XKR6: variants seen among roughly 807,000 people sequenced by gnomAD.
XKR6 encodes XK related 6.
XKR6 carries 22 observed loss-of-function variants against 56.7 expected under a neutral mutation model. The observed-to-expected ratio is 0.39, with a 90% CI of 0.28 to 0.55. The LOEUF (loss-of-function observed/expected upper bound fraction) is 0.55. Among genes scored for constraint, XKR6 ranks in the 20% least tolerant of loss-of-function variants. The pLI is 0.66. For synonymous variants in XKR6, 524 were observed against 387.8 expected, an observed-to-expected ratio of 1.35 and a Z score of -4.13; for missense variants, 852 against 889.0, an observed-to-expected ratio of 0.96 and a Z score of 0.53.
chr8:10,955,267 G>T (rs1347622891), intron 1 of XKR6, among the ~76,000 whole-genome samples: 2 of 152,112 alleles, frequency 1.3e-5, no homozygotes, highest in African/African-American at 4.8e-5. Context: ...TGACCTCCCA[G>T]GCTCAAGAAA....
At chr8:11,077,752 A>G (rs1175514422) in intron 1 of XKR6, among the ~76,000 whole-genome samples, 26 of 152,118 alleles carry the variant, frequency 1.7e-4, no homozygotes, top group Non-Finnish European at 1.5e-5. Context: ...CAGCTGCAAG[A>G]ATGCATCTGG....
chr8:11,189,212 C>G (rs1306527969), intron 1 of XKR6, among the ~76,000 whole-genome samples: 1 of 152,166 alleles, frequency 6.6e-6, no homozygotes, highest in Non-Finnish European at 1.5e-5. Flanking sequence ...ATTTGAGACA[C>G]AAAATTCACT....
intron 1 of XKR6, among the ~76,000 whole-genome samples, chr8:10,967,908 C>A (rs1236498825): frequency 6.6e-6 from 1 of 152,184 alleles, no homozygotes; most frequent in African/African-American, 2.4e-5. Context: ...AGTTTCCAGG[C>A]TGCCTCGGCT....
At chr8:11,174,894 T>C (rs1802579774) in intron 1 of XKR6, among the ~76,000 whole-genome samples, 1 of 152,242 alleles carries the variant, frequency 6.6e-6, no homozygotes, top group Non-Finnish European at 1.5e-5. Context: ...AAGACAGTAT[T>C]TAACTAAAGT....
intron 1 of XKR6, among the ~76,000 whole-genome samples, chr8:11,173,412 T>C (rs541983906): frequency 6.7e-6 from 1 of 150,364 alleles, no homozygotes; most frequent in Non-Finnish European, 1.5e-5. Flanking sequence ...TATATATACA[T>C]ATACATATAT....
intron 1 of XKR6, among the ~76,000 whole-genome samples, chr8:11,009,538 A>G (rs892529997): frequency 4.6e-5 from 7 of 152,070 alleles, no homozygotes; most frequent in Non-Finnish European, 8.8e-5. Flanking sequence ...ACCAAAAAAT[A>G]GTTATAGGTT....
intron 1 of XKR6, among the ~76,000 whole-genome samples, chr8:11,068,231 C>T (rs921049789): frequency 3.3e-5 from 5 of 152,148 alleles, no homozygotes; most frequent in East Asian, 1.9e-4. Context: ...CTCAGACCGT[C>T]GGAGATAAGG....
chr8:11,033,309 GAT>G (rs1440621876), intron 1 of XKR6, among the ~76,000 whole-genome samples: 22 of 150,124 alleles, frequency 1.5e-4, no homozygotes, highest in African/African-American at 5.3e-4. Flanking sequence ...TGGTGGTGAT[GAT>G]GATGATGACG....
At chr8:11,062,832 C>G (rs7820875) in intron 1 of XKR6, 2 of 456,298 alleles carry the variant, frequency 4.4e-6, no homozygotes, top group Non-Finnish European at 8.8e-6. Flanking sequence ...TCAGCGTGGC[C>G]GTGCGCCTGA....
chr8:11,016,795 C>G (rs570701031), intron 1 of XKR6, among the ~76,000 whole-genome samples: 2 of 152,368 alleles, frequency 1.3e-5, no homozygotes, highest in Non-Finnish European at 2.9e-5. Flanking sequence ...TCCCCCACCA[C>G]TCTTCTCTCT....
At chr8:10,967,834 A>G (rs1802273008) in intron 1 of XKR6, among the ~76,000 whole-genome samples, 1 of 152,208 alleles carries the variant, frequency 6.6e-6, no homozygotes, top group Non-Finnish European at 1.5e-5. Flanking sequence ...TGGTGGGTGC[A>G]GGTGGGACAA....
chr8:11,086,133 A>AAAATATATATATATATAT (rs1554454121), intron 1 of XKR6, among the ~76,000 whole-genome samples: 1 of 90,068 alleles, frequency 1.1e-5, no homozygotes, highest in African/African-American at 5.7e-5. Context: ...TTAAAAAGAA[A>AAAATATATATATATATAT]ATATATATAT....
At chr8:10,963,675 G>C (rs1802131714) in intron 1 of XKR6, among the ~76,000 whole-genome samples, 1 of 152,024 alleles carries the variant, frequency 6.6e-6, no homozygotes, top group Non-Finnish European at 1.5e-5. Context: ...CCAACCTGTA[G>C]CTGGGACCAC....
At chr8:11,165,439 T>TTA (rs1333782094) in intron 1 of XKR6, among the ~76,000 whole-genome samples, 1 of 152,052 alleles carries the variant, frequency 6.6e-6, no homozygotes, top group African/African-American at 2.4e-5. Flanking sequence ...GTGTACTTCT[T>TTA]TAGTTTTAGG....
Position 10,897,817 on chromosome 8 carries a change from TGGTGTTGGTGTGGC to T in XKR6, c.*121_*134del. The T allele has an allele frequency of 6.5e-6, 7 of 1,082,834 alleles. No homozygotes were observed. The highest frequency in any genetic ancestry group is 1.6e-5 in the African/African-American group (1 of 63,588). The allele number at this position is 1,082,834 out of a possible 1,614,324, so 67.1% of individuals were successfully genotyped here. The stretch of plus-strand genomic sequence containing the variant: ...ATTAATTCTTTTTTTTTTGTAGTGG[TGGTGTTGGTGTGGC>T]GGTGTTGGTGGTGGTGGCGGTGGTT... On this transcript the variant is annotated 3_prime_UTR_variant, in exon 3 of 3. Coordinates refer to ENST00000416569, the MANE Select transcript of XKR6 (RefSeq NM_173683.4).
At chr8:10,926,445 G>T (rs1048841257) in intron 1 of XKR6, among the ~76,000 whole-genome samples, 89 of 152,380 alleles carry the variant, frequency 5.8e-4, no homozygotes, top group Admixed American at 1.1e-3. Context: ...CCTGGATCCT[G>T]AAGGCACCCA....
At chr8:11,137,261 A>C (rs747761146) in intron 1 of XKR6, 19 of 243,130 alleles carry the variant, frequency 7.8e-5, no homozygotes, top group Non-Finnish European at 1.3e-4. Flanking sequence ...GAATTCCAGA[A>C]ATGTCTACTA....
At chr8:11,173,364 T>TACAC (rs1416786682) in intron 1 of XKR6, among the ~76,000 whole-genome samples, 4 of 142,466 alleles carry the variant, frequency 2.8e-5, no homozygotes, top group Admixed American at 1.4e-4. Context: ...TATATATATA[T>TACAC]ATACACACAC....
chr8:10,912,344 GGAGA>G lies in XKR6; in HGVS notation c.961+12286_961+12289del, dbSNP rs1206752634. 5.0e-4 allele frequency among the ~76,000 whole-genome samples: 23 copies of G among 46,146 alleles called. 1 individual carries two copies. The highest frequency in any genetic ancestry group is 0.026 in the Middle Eastern group (1 of 38). 30.3% of individuals were successfully genotyped at this position (46,146 alleles called of 152,430 possible). ...TATATATATATATATATATATATAT[GGAGA>G]GAGAGAGAGAGAGGGTGATTATATA... On this transcript the variant is annotated intron_variant, in intron 2 of 2. Coordinates refer to ENST00000416569, the MANE Select transcript of XKR6 (RefSeq NM_173683.4).
Sources: allele counts gnomAD v4.1 joint callset (sites outside exome capture counted in the v4.1 genomes callset), GRCh38; gene constraint gnomAD v4.1.1; transcripts MANE v1.5; gene names NCBI Gene and HGNC (gene_info 2026-07-23, HGNC 2026-07-21).